The following WASHC2A variants were observed in gnomAD, a reference collection of about 807,000 sequenced individuals.
WASHC2A encodes the protein WASH complex subunit 2A.
WASHC2A carries 82 observed loss-of-function variants against 140.3 expected under a neutral mutation model. The observed-to-expected ratio is 0.58, with a 90% CI of 0.49 to 0.70. WASHC2A has a LOEUF of 0.70. Ranked by LOEUF, WASHC2A falls within the 30% of genes least tolerant of loss-of-function variation. The pLI, the probability that WASHC2A is intolerant of heterozygous loss-of-function variation, is 0.00. For missense variants in WASHC2A, 985 were observed against 1,521.8 expected (o/e 0.65, Z 5.87); for synonymous variants, 340 against 560.8 (o/e 0.61, Z 5.56).
intron 14 of WASHC2A, among the ~76,000 whole-genome samples, 185 bp from the exon 15 acceptor site, chr10:50,095,414 C>G (rs1294177995): frequency 1.3e-5 from 2 of 152,248 alleles, no homozygotes; most frequent in Admixed American, 6.5e-5. Flanking sequence ...TGTGTTTGAG[C>G]TGACCTGGTG....
At chr10:50,085,702 G>GT (rs200929022) in intron 7 of WASHC2A, 144 bp downstream of exon 7, 79,303 of 94,608 alleles carry the variant, frequency 0.84, 33,558 homozygotes, top group East Asian at 0.98. Flanking sequence ...CACATTCTGA[G>GT]TTTTTTTTCC....
intron 2 of WASHC2A, among the ~76,000 whole-genome samples, chr10:50,068,594 ATT>A (rs1837510647): frequency 6.6e-6 from 1 of 151,022 alleles, no homozygotes; most frequent in Non-Finnish European, 1.5e-5. Flanking sequence ...CTTTAATGGG[ATT>A]TTTCAAATCG....
intron 19 of WASHC2A, among the ~76,000 whole-genome samples, chr10:50,109,175 T>G (rs2132847948): frequency 6.6e-6 from 1 of 152,264 alleles, no homozygotes; most frequent in East Asian, 1.9e-4. Context: ...TGGACTCCAG[T>G]TTGATTTGCA....
intron 6 of WASHC2A, among the ~76,000 whole-genome samples, chr10:50,084,435 CTT>C (rs1839207518): frequency 6.8e-6 from 1 of 146,302 alleles, no homozygotes; most frequent in Non-Finnish European, 1.5e-5. Flanking sequence ...TTTTCTTTGT[CTT>C]TTTCTTTTTT....
intron 8 of WASHC2A, among the ~76,000 whole-genome samples, chr10:50,090,451 C>T (rs1358735516): frequency 2.9e-5 from 4 of 140,162 alleles, no homozygotes; most frequent in African/African-American, 1.0e-4. Flanking sequence ...TGCAGTGAGC[C>T]GAGATCGTGC....
intron 10 of WASHC2A, 87 bp downstream of exon 10, chr10:50,091,605 A>C: frequency 2.4e-6 from 3 of 1,233,724 alleles, no homozygotes; most frequent in Non-Finnish European, 2.3e-6. Context: ...TTCTCTTTTT[A>C]TTAGTAATTA....
chr10:50,071,345 A>T (rs1837788668), intron 3 of WASHC2A, among the ~76,000 whole-genome samples: 1 of 148,490 alleles, frequency 6.7e-6, no homozygotes, highest in Non-Finnish European at 1.5e-5. Flanking sequence ...TCACTCTGTC[A>T]CCCAGGCTGG....
chr10:50,109,914 C>T (rs1170586415), intron 19 of WASHC2A, among the ~76,000 whole-genome samples, 187 bp from the exon 20 acceptor site: 46 of 151,794 alleles, frequency 3.0e-4, no homozygotes, highest in Non-Finnish European at 6.6e-4. Flanking sequence ...GGACTACAGG[C>T]TCCCGCCACC....
In WASHC2A at chr10:50,091,448, A is replaced by G; in HGVS notation, c.861A>G (p.Thr287=). ...ENTRPKRSRP[T]SFADELAARI... is the part of the protein sequence containing the mutation. Reference sequence around the variant, plus strand: ...TGCTGTAGAAAAGAAGCAGACCTACATCGTTTGCAGATGAGCTGGCTGCCC... The same window carrying G: ...TGCTGTAGAAAAGAAGCAGACCTACGTCGTTTGCAGATGAGCTGGCTGCCC... Residue 287 remains threonine (T), a synonymous_variant, in exon 10 of 31, where the codon ACA becomes ACG. Coordinates refer to ENST00000282633, the MANE Select transcript of WASHC2A (RefSeq NM_001005751.3). 1.2e-5 allele frequency: 19 copies of G among 1,550,242 alleles called. No homozygotes were observed. The highest frequency in any genetic ancestry group is 1.6e-5 in the Non-Finnish European group (18 of 1,147,062).
intron 16 of WASHC2A, among the ~76,000 whole-genome samples, chr10:50,099,269 C>CTTTTTT: frequency 7.3e-6 from 1 of 136,170 alleles, no homozygotes; most frequent in Non-Finnish European, 1.6e-5. Context: ...CATTCTTCTT[C>CTTTTTT]TTTTTTTTTT....
chr10:50,071,880 T>TC (rs1466426457), intron 3 of WASHC2A, among the ~76,000 whole-genome samples: 4 of 150,464 alleles, frequency 2.7e-5, no homozygotes, highest in African/African-American at 9.8e-5. Flanking sequence ...CTGTTTTCCA[T>TC]CCATCTCTCC....
intron 17 of WASHC2A, among the ~76,000 whole-genome samples, chr10:50,102,266 G>A (rs1341020128): frequency 0.036 from 5,552 of 152,242 alleles, 118 homozygotes; most frequent in African/African-American, 0.062. Flanking sequence ...CTTTGGACCC[G>A]AAGGAATGCG....
At chr10:50,118,158 G>A in intron 22 of WASHC2A, 100 bp downstream of exon 22, 1 of 1,214,944 alleles carries the variant, frequency 8.2e-7, no homozygotes, top group East Asian at 2.3e-5. Context: ...AAAATAAATG[G>A]CCCATTTGTA....
intron 10 of WASHC2A, among the ~76,000 whole-genome samples, chr10:50,091,936 T>C (rs1230968803): frequency 0.013 from 2,052 of 152,340 alleles, 19 homozygotes; most frequent in Non-Finnish European, 0.02. Flanking sequence ...AATCCTGTTA[T>C]GCACATGAGC....
intron 16 of WASHC2A, among the ~76,000 whole-genome samples, chr10:50,099,191 C>T (rs1840805888): frequency 6.6e-6 from 1 of 152,012 alleles, no homozygotes. Context: ...CCCTCTCCTT[C>T]CCCGATTTTT....
chr10:50,091,628 A>C (rs1271267248), intron 10 of WASHC2A, 110 bp downstream of exon 10: 6 of 941,176 alleles, frequency 6.4e-6, no homozygotes, highest in Non-Finnish European at 9.6e-6. Context: ...ACATATATTT[A>C]TTAGTAATTG....
At chr10:50,103,681 T>G (rs577817033) in intron 17 of WASHC2A, among the ~76,000 whole-genome samples, 2 of 152,136 alleles carry the variant, frequency 1.3e-5, no homozygotes, top group Non-Finnish European at 2.9e-5. Flanking sequence ...TGTCTAATCT[T>G]TGATTCTTTA....
chr10:50,072,057 C>CG (rs1423382129), intron 3 of WASHC2A, among the ~76,000 whole-genome samples: 1 of 133,018 alleles, frequency 7.5e-6, no homozygotes, highest in Admixed American at 7.7e-5. Context: ...TACAGGCTCC[C>CG]GCCACCAGGC....
intron 2 of WASHC2A, 93 bp from the exon 3 acceptor site, chr10:50,069,454 C>T (rs536208439): frequency 7.0e-7 from 1 of 1,424,694 alleles, no homozygotes; most frequent in Admixed American, 2.5e-5. Context: ...TTCTAACACT[C>T]AAAGGTGAAA....
Sources: allele counts gnomAD v4.1 joint callset (sites outside exome capture counted in the v4.1 genomes callset), GRCh38; gene constraint gnomAD v4.1.1; transcripts MANE v1.5; gene names NCBI Gene and HGNC (gene_info 2026-07-23, HGNC 2026-07-21).